LRRC4C: variants seen among roughly 807,000 people sequenced by gnomAD.
LRRC4C encodes the protein leucine rich repeat containing 4C.
In LRRC4C, 5 loss-of-function variants were observed where a neutral mutation model predicts 33.6. The ratio of observed to expected loss-of-function variants is 0.15; its 90% CI spans 0.08 to 0.31. The LOEUF is 0.31. Ranked by LOEUF, LRRC4C falls within the 10% of genes least tolerant of loss-of-function variation. The probability of loss-of-function intolerance (pLI) is 1.00; values close to 1 mark genes in which losing one functional copy is unlikely to be tolerated. For synonymous variants in LRRC4C, 329 were observed against 302.0 expected (o/e 1.09, Z -0.93); for missense variants, 560 against 796.7 (o/e 0.70, Z 3.58).
chr11:40,377,348 C>T (rs1948699980), intron 3 of LRRC4C, among the ~76,000 whole-genome samples: 1 of 152,060 alleles, frequency 6.6e-6, no homozygotes. Flanking sequence ...AGTGTACATC[C>T]TTATGAAGAA....
chr11:41,120,221 T>A (rs1942350642), intron 1 of LRRC4C, among the ~76,000 whole-genome samples: 1 of 152,100 alleles, frequency 6.6e-6, no homozygotes, highest in African/African-American at 2.4e-5. Context: ...CTCACAAATT[T>A]TTACTATAAA....
intron 5 of LRRC4C, among the ~76,000 whole-genome samples, chr11:40,184,621 A>G (rs1230324066): frequency 1.3e-5 from 2 of 152,184 alleles, no homozygotes; most frequent in East Asian, 3.9e-4. Context: ...GGCGAAGTCT[A>G]TGAAATCAAA....
intron 1 of LRRC4C, among the ~76,000 whole-genome samples, chr11:41,436,654 T>C (rs1955439407): frequency 6.6e-6 from 1 of 152,200 alleles, no homozygotes; most frequent in South Asian, 2.1e-4. Flanking sequence ...ACAGAGAGCC[T>C]CTTTCACAAC....
chr11:40,352,067 T>C (rs1947416583), intron 3 of LRRC4C, among the ~76,000 whole-genome samples: 1 of 152,024 alleles, frequency 6.6e-6, no homozygotes. Context: ...GTTATTTGTT[T>C]TCTGGTTGTT....
chr11:41,117,717 TG>T (rs996243844), intron 1 of LRRC4C, among the ~76,000 whole-genome samples: 1 of 152,106 alleles, frequency 6.6e-6, no homozygotes, highest in African/African-American at 2.4e-5. Context: ...CCTGGTCTTT[TG>T]CCCCTACCCT....
chr11:40,939,407 A>G (rs1418236329), intron 1 of LRRC4C, among the ~76,000 whole-genome samples: 1 of 152,172 alleles, frequency 6.6e-6, no homozygotes, highest in Non-Finnish European at 1.5e-5. Context: ...CACATATACA[A>G]GTTGGTAATT....
At chr11:40,697,894 T>C (rs1034693683) in intron 2 of LRRC4C, among the ~76,000 whole-genome samples, 7 of 151,760 alleles carry the variant, frequency 4.6e-5, no homozygotes, top group Non-Finnish European at 8.8e-5. Flanking sequence ...ACGGTGAAAC[T>C]CGTCTCTACT....
At chr11:41,182,676 T>A (rs958365578) in intron 1 of LRRC4C, among the ~76,000 whole-genome samples, 2 of 152,108 alleles carry the variant, frequency 1.3e-5, no homozygotes, top group African/African-American at 4.8e-5. Context: ...CTGAGTTATT[T>A]TTAATACCTC....
intron 5 of LRRC4C, among the ~76,000 whole-genome samples, chr11:40,164,861 C>G (rs1249133469): frequency 6.6e-6 from 1 of 151,946 alleles, no homozygotes. Flanking sequence ...TCATATGCAC[C>G]CCATAAATTG....
intron 3 of LRRC4C, among the ~76,000 whole-genome samples, chr11:40,443,578 T>C (rs1951491300): frequency 6.6e-6 from 1 of 152,146 alleles, no homozygotes; most frequent in East Asian, 1.9e-4. Flanking sequence ...GACCCATTGG[T>C]CATTCTCAGT....
intron 1 of LRRC4C, among the ~76,000 whole-genome samples, chr11:41,291,608 A>AT (rs1253131109): frequency 1.3e-5 from 2 of 152,172 alleles, no homozygotes; most frequent in Non-Finnish European, 2.9e-5. Flanking sequence ...TGTAATCAAC[A>AT]TACATACTGG....
intron 2 of LRRC4C, among the ~76,000 whole-genome samples, chr11:40,653,545 A>T (rs1396698460): frequency 6.6e-6 from 1 of 152,244 alleles, no homozygotes; most frequent in African/African-American, 2.4e-5. Flanking sequence ...AAAGCATTCA[A>T]GAGGTAACTT....
At chr11:40,555,531 C>T (rs1488180931) in intron 3 of LRRC4C, among the ~76,000 whole-genome samples, 1 of 152,200 alleles carries the variant, frequency 6.6e-6, no homozygotes, top group Non-Finnish European at 1.5e-5. Context: ...TGCAGACTCT[C>T]TGAGAAAGAA....
chr11:40,869,012 TTAAG>T (rs1265602591), intron 2 of LRRC4C, among the ~76,000 whole-genome samples: 4 of 152,122 alleles, frequency 2.6e-5, no homozygotes, highest in African/African-American at 9.7e-5. Context: ...CCTTAATAGC[TTAAG>T]TTTACTTTTA....
intron 5 of LRRC4C, among the ~76,000 whole-genome samples, chr11:40,175,191 A>T (rs972826058): frequency 2.6e-5 from 4 of 152,250 alleles, no homozygotes; most frequent in Non-Finnish European, 5.9e-5. Flanking sequence ...ACCTTACCTG[A>T]TGCTGTTGGC....
intron 1 of LRRC4C, among the ~76,000 whole-genome samples, chr11:41,382,520 A>G (rs1044176384): frequency 6.6e-6 from 1 of 152,124 alleles, no homozygotes; most frequent in South Asian, 2.1e-4. Flanking sequence ...TGCTTGGAAA[A>G]TAATAGGTTT....
At chr11:41,096,066 C>CA (rs1178061660) in intron 1 of LRRC4C, among the ~76,000 whole-genome samples, 1 of 151,444 alleles carries the variant, frequency 6.6e-6, no homozygotes, top group Non-Finnish European at 1.5e-5. Context: ...GTAGTATGGA[C>CA]AAAAAAATAA....
intron 1 of LRRC4C, among the ~76,000 whole-genome samples, chr11:41,279,381 AACACACACACACACACACACAC>A (rs575973002): frequency 3.8e-4 from 48 of 126,384 alleles, no homozygotes; most frequent in African/African-American, 1.3e-3. Flanking sequence ...CACACACACA[AACACACACACACACACACACAC>A]ACACACACAC....
At chr11:40,195,479 A>G (rs10768585) in intron 5 of LRRC4C, among the ~76,000 whole-genome samples, 150,836 of 152,224 alleles carry the variant, frequency 0.99, 74,747 homozygotes, top group Middle Eastern at 1. Context: ...CTGTTCTAAG[A>G]TTTCTTGTCA....
Sources: gnomAD v4.1 joint callset for allele counts (sites outside exome capture counted in the v4.1 genomes callset) on GRCh38, gnomAD v4.1.1 for gene constraint, MANE v1.5 for transcripts, NCBI Gene and HGNC (gene_info 2026-07-23, HGNC 2026-07-21) for gene names.